RXRG: variants seen among roughly 807,000 people sequenced by gnomAD.
RXRG encodes retinoic acid receptor RXR-gamma.
A neutral mutation model predicts 49.2 loss-of-function variants in RXRG; 19 were observed. That is an observed-to-expected ratio of 0.39 (90% CI 0.27 to 0.57). The LOEUF (loss-of-function observed/expected upper bound fraction) is 0.57, where lower values mean the gene tolerates loss of function less well. RXRG is among the 20% of genes least tolerant of loss of function. RXRG has a pLI of 0.64. For missense variants in RXRG, 452 were observed against 592.5 expected (o/e 0.76, Z 2.46); for synonymous variants, 224 against 216.6 (o/e 1.03, Z -0.30).
rs527362020 is a variant in RXRG, at chr1:165,436,541, T to G, written c.50-7575A>C. On this transcript the variant is annotated intron_variant, in intron 1 of 9. Coordinates refer to ENST00000359842, the MANE Select transcript of RXRG (RefSeq NM_006917.5). Reference sequence around the variant, plus strand: ...AGAGGAGATTCGCCTGTTCTTAAAGTGTCAGACTGCACACTATGAGATGCT... The same window carrying G: ...AGAGGAGATTCGCCTGTTCTTAAAGGGTCAGACTGCACACTATGAGATGCT... Among the ~76,000 whole-genome samples, 5 of 152,312 alleles carry G rather than the reference T, an allele frequency of 3.3e-5. No individual in the cohort carries two copies. In the East Asian group the frequency reaches 9.6e-4, roughly 29 times the overall value.
chr1:165,411,159 G>A (rs750418275), intron 4 of RXRG, 50 bp from the exon 5 acceptor site: 1 of 1,576,836 alleles, frequency 6.3e-7, no homozygotes, highest in Admixed American at 1.8e-5. Flanking sequence ...CAGGACAACA[G>A]TGGGAAAGTT....
At position 165,428,481 on chromosome 1, in the gene RXRG, G is replaced by A. The variant is rs149911213; in HGVS notation, c.297+238C>T. Among the ~76,000 whole-genome samples, 770 of 152,326 alleles carry A rather than the reference G, an allele frequency of 5.1e-3. 7 individuals carry two copies. The highest frequency in any genetic ancestry group is 0.017 in the African/African-American group (709 of 41,568). On this transcript the variant is annotated intron_variant, in intron 2 of 9. Coordinates refer to ENST00000359842, the MANE Select transcript of RXRG (RefSeq NM_006917.5). The stretch of plus-strand genomic sequence containing the variant: ...CAGGGCTGAACTGCTAAAACTACAA[G>A]GAAGGCCCCCTTTTGGTCACAGTCT...
At chr1:165,426,384 T>A (rs3767348) in intron 2 of RXRG, among the ~76,000 whole-genome samples, 12,615 of 152,208 alleles carry the variant, frequency 0.083, 751 homozygotes, top group East Asian at 0.22. Flanking sequence ...ACCTGCCCCA[T>A]TGACTTACAC....
chr1:165,411,297 A>G (rs1657939889), intron 4 of RXRG, among the ~76,000 whole-genome samples, 188 bp from the exon 5 acceptor site: 1 of 152,194 alleles, frequency 6.6e-6, no homozygotes, highest in African/African-American at 2.4e-5. Flanking sequence ...CCTAAGGAGA[A>G]TGAGGGGTTC....
At chr1:165,444,707 G>T in intron 1 of RXRG, 138 bp downstream of exon 1, 1 of 735,724 alleles carries the variant, frequency 1.4e-6, no homozygotes, top group Non-Finnish European at 2.4e-6. Flanking sequence ...ACGCTGAAAC[G>T]CTATATACAC....
chr1:165,434,813 T>C (rs1254325804), intron 1 of RXRG, among the ~76,000 whole-genome samples: 1 of 152,234 alleles, frequency 6.6e-6, no homozygotes. Flanking sequence ...TGTTTTTCTT[T>C]GTCTGCAGCA....
chr1:165,436,397 G>A (rs1275408967), intron 1 of RXRG, among the ~76,000 whole-genome samples: 2 of 152,074 alleles, frequency 1.3e-5, no homozygotes, highest in African/African-American at 2.4e-5. Context: ...ACAGTGTGAG[G>A]GTTAAATAAA....
chr1:165,434,306 G>C (rs1658766539), intron 1 of RXRG, among the ~76,000 whole-genome samples: 1 of 151,882 alleles, frequency 6.6e-6, no homozygotes, highest in Admixed American at 6.6e-5. Flanking sequence ...GTGTGTGTGT[G>C]TGTCAGAGAG....
intron 1 of RXRG, chr1:165,437,184 G>A (rs1433335877): frequency 5.1e-6 from 7 of 1,367,640 alleles, no homozygotes; most frequent in African/African-American, 1.5e-5. Context: ...AGAAGTTGGA[G>A]AGCAGGGGAA....
intron 1 of RXRG, among the ~76,000 whole-genome samples, chr1:165,442,156 C>T (rs1327293230): frequency 1.3e-5 from 2 of 152,222 alleles, no homozygotes; most frequent in African/African-American, 2.4e-5. Flanking sequence ...ACTTGCTGCA[C>T]TGTGGCAGGG....
At chr1:165,430,502 G>A (rs190706283) in intron 1 of RXRG, among the ~76,000 whole-genome samples, 83 of 152,320 alleles carry the variant, frequency 5.4e-4, no homozygotes, top group African/African-American at 2.0e-3. Flanking sequence ...TGGAGCTTCT[G>A]CTAGCTTAGT....
intron 1 of RXRG, among the ~76,000 whole-genome samples, chr1:165,440,170 G>A (rs983293751): frequency 3.9e-5 from 6 of 152,204 alleles, no homozygotes; most frequent in Non-Finnish European, 8.8e-5. Context: ...ATAGTACATG[G>A]TAGAGCTGGG....
At chr1:165,441,548 A>G (rs2194899) in intron 1 of RXRG, among the ~76,000 whole-genome samples, 77,239 of 152,094 alleles carry the variant, frequency 0.51, 21,556 homozygotes, top group Non-Finnish European at 0.64. Flanking sequence ...AAGGAGTACG[A>G]GAACAATGGT....
At chr1:165,437,667 A>C (rs1172028605) in intron 1 of RXRG, among the ~76,000 whole-genome samples, 1 of 152,178 alleles carries the variant, frequency 6.6e-6, no homozygotes, top group African/African-American at 2.4e-5. Context: ...TAGGAACGAG[A>C]GGAGAACTGG....
At chr1:165,416,436 G>GT (rs1205853416) in intron 4 of RXRG, among the ~76,000 whole-genome samples, 2 of 151,542 alleles carry the variant, frequency 1.3e-5, no homozygotes, top group African/African-American at 4.8e-5. Context: ...CACAGTGGTG[G>GT]TCTCTCTGAA....
At chr1:165,440,242 C>T (rs1319148248) in intron 1 of RXRG, among the ~76,000 whole-genome samples, 3 of 152,186 alleles carry the variant, frequency 2.0e-5, no homozygotes, top group Non-Finnish European at 4.4e-5. Context: ...ATTTATTAGC[C>T]AAGTTCCCTT....
At chr1:165,432,936 A>T (rs1240618025) in intron 1 of RXRG, among the ~76,000 whole-genome samples, 1 of 152,192 alleles carries the variant, frequency 6.6e-6, no homozygotes, top group Non-Finnish European at 1.5e-5. Context: ...TTTGTGTTGG[A>T]ATTTAAACCA....
At chr1:165,404,699 C>T (rs1470377997) in intron 9 of RXRG, among the ~76,000 whole-genome samples, 1 of 152,094 alleles carries the variant, frequency 6.6e-6, no homozygotes, top group Non-Finnish European at 1.5e-5. Flanking sequence ...TACACGACAA[C>T]ACTGGAAAGA....
At chr1:165,402,902 C>A (rs1480291977) in intron 9 of RXRG, among the ~76,000 whole-genome samples, 1 of 152,076 alleles carries the variant, frequency 6.6e-6, no homozygotes, top group Non-Finnish European at 1.5e-5. Context: ...TCTCACATAT[C>A]TCATGCCTGT....
Sources: allele counts gnomAD v4.1 joint callset (sites outside exome capture counted in the v4.1 genomes callset), GRCh38; gene constraint gnomAD v4.1.1; transcripts MANE v1.5; gene names NCBI Gene and HGNC (gene_info 2026-07-23, HGNC 2026-07-21).